GINS1: variants seen among roughly 807,000 people sequenced by gnomAD.
GINS1 encodes DNA replication complex GINS protein PSF1.
A neutral mutation model predicts 34.9 loss-of-function variants in GINS1; 26 were observed. The observed-to-expected ratio is 0.74, with a 90% CI of 0.55 to 1.03. The LOEUF is 1.03. Among genes scored for constraint, GINS1 ranks in the 50% least tolerant of loss-of-function variants. The pLI is 0.00. For synonymous variants in GINS1, 97 were observed against 84.4 expected, an observed-to-expected ratio of 1.15 and a Z score of -0.82; for missense variants, 235 against 237.9, an observed-to-expected ratio of 0.99 and a Z score of 0.08.
chr20:25,415,882 T>A (rs1421945666), intron 2 of GINS1, among the ~76,000 whole-genome samples: 1 of 152,124 alleles, frequency 6.6e-6, no homozygotes, highest in Admixed American at 6.6e-5. Flanking sequence ...AGGAGACATT[T>A]CAGCTGAGGC....
chr20:25,409,773 C>G (rs1485609335), intron 1 of GINS1, among the ~76,000 whole-genome samples: 1 of 152,166 alleles, frequency 6.6e-6, no homozygotes, highest in East Asian at 1.9e-4. Flanking sequence ...AGAGCAGTTA[C>G]CTCATTTAAA....
intron 4 of GINS1, among the ~76,000 whole-genome samples, chr20:25,422,959 G>A (rs2090365568): frequency 6.6e-6 from 1 of 151,752 alleles, no homozygotes; most frequent in Admixed American, 6.6e-5. Flanking sequence ...TGTATTTTTA[G>A]CAGAGATGGG....
intron 5 of GINS1, among the ~76,000 whole-genome samples, chr20:25,435,804 G>T (rs1408537747): frequency 8.9e-6 from 1 of 111,756 alleles, no homozygotes. Flanking sequence ...TTTTTGTAGA[G>T]TTACACTTTT....
At chr20:25,420,794 A>C (rs2090350558) in intron 4 of GINS1, 3 of 877,470 alleles carry the variant, frequency 3.4e-6, no homozygotes, top group Non-Finnish European at 4.1e-6. Context: ...AAAAAAAAAA[A>C]AAGAAAAAAA....
intron 4 of GINS1, among the ~76,000 whole-genome samples, chr20:25,421,476 TC>T (rs1414566523): frequency 6.6e-6 from 1 of 152,234 alleles, no homozygotes; most frequent in African/African-American, 2.4e-5. Context: ...AGTAGTAACA[TC>T]TTTTGTTTTC....
chr20:25,431,354 A>G (rs1235254075), intron 5 of GINS1, among the ~76,000 whole-genome samples: 1 of 151,990 alleles, frequency 6.6e-6, no homozygotes, highest in African/African-American at 2.4e-5. Context: ...AAATAACCAA[A>G]TTTTAGTTTT....
intron 5 of GINS1, among the ~76,000 whole-genome samples, chr20:25,441,364 T>C (rs1600945094): frequency 1.3e-5 from 2 of 152,208 alleles, no homozygotes; most frequent in East Asian, 3.8e-4. Flanking sequence ...AAGAAGCAGG[T>C]TGGAGCAGAT....
At chr20:25,410,063 C>T (rs2090273785) in intron 1 of GINS1, among the ~76,000 whole-genome samples, 1 of 152,102 alleles carries the variant, frequency 6.6e-6, no homozygotes, top group Non-Finnish European at 1.5e-5. Flanking sequence ...AGAATCAGGC[C>T]AGGAGTGGTG....
rs747353819 is a variant in GINS1, at chr20:25,418,172, C to T, written c.307C>T (p.Arg103Ter). 21 of 1,588,878 alleles carry T rather than the reference C, an allele frequency of 1.3e-5. No individual in the cohort carries two copies. Among genetic ancestry groups the T allele is most frequent in the Admixed American group, 1.7e-5 (1 of 59,960 alleles). The change falls in exon 4 of 7, where the codon CGA (arginine) becomes TGA (stop). Residue 103 changes from arginine to a stop codon, truncating the protein, a stop_gained. Coordinates refer to ENST00000262460, the MANE Select transcript of GINS1 (RefSeq NM_021067.5). LOFTEE classifies it high-confidence loss of function. ...EYGSVLPNAL[R>*]FHMAAEEMEW... The stretch of plus-strand genomic sequence containing the variant: ...TGGTAGCGTCTTGCCAAATGCATTA[C>T]GATTTCACATGGCTGCTGAAGAAGT...
chr20:25,434,767 A>G (rs1411198587), intron 5 of GINS1, among the ~76,000 whole-genome samples: 2 of 152,150 alleles, frequency 1.3e-5, no homozygotes, highest in South Asian at 4.1e-4. Flanking sequence ...TTAATTCTGG[A>G]GGCCTGGATG....
At position 25,446,917 on chromosome 20, in the gene GINS1, G is replaced by A. The variant is rs998196983; in HGVS notation, c.*926G>A. Reference sequence around the variant, plus strand: ...CTTTTATGCTTTGGGTGTTGCATCCGAGAAATCTTTTCCCATCCCAAGATC... The same window carrying A: ...CTTTTATGCTTTGGGTGTTGCATCCAAGAAATCTTTTCCCATCCCAAGATC... On this transcript the variant is annotated 3_prime_UTR_variant, in exon 7 of 7. Transcript: ENST00000262460. 1 of 151,766 alleles carries A rather than the reference G, an allele frequency of 6.6e-6. No individual in the cohort carries two copies. The allele number at this position is 151,766 out of a possible 1,614,324, so 9.4% of individuals were successfully genotyped here. A position where few individuals can be genotyped will look rare whatever the true frequency, so the allele number is the denominator to read the frequency against.
At position 25,425,344 on chromosome 20, in the gene GINS1, A is replaced by T. The variant is rs754990563; in HGVS notation, c.447+17A>T. 2.0e-6 allele frequency: 2 copies of T among 1,012,176 alleles called. No individual in the cohort carries two copies. The highest frequency in any genetic ancestry group is 3.2e-5 in the African/African-American group (2 of 62,620). 62.7% of individuals were successfully genotyped at this position (1,012,176 alleles called of 1,614,324 possible). ...TATATTGAAGTATGTATATCTTTTTAAAATGCATTTTTCTTTAATGTGTAA... is the reference window on the plus strand; with the variant it reads ...TATATTGAAGTATGTATATCTTTTTTAAATGCATTTTTCTTTAATGTGTAA... On this transcript the variant is annotated intron_variant, in intron 5 of 6. Transcript: ENST00000262460.
chr20:25,415,879 A>T (rs760384134), intron 2 of GINS1, among the ~76,000 whole-genome samples: 5 of 152,158 alleles, frequency 3.3e-5, no homozygotes, highest in African/African-American at 7.2e-5. Context: ...AAGAGGAGAC[A>T]TTTCAGCTGA....
At chr20:25,442,338 ATC>A in intron 6 of GINS1, among the ~76,000 whole-genome samples, 1 of 149,422 alleles carries the variant, frequency 6.7e-6, no homozygotes, top group Non-Finnish European at 1.5e-5. Flanking sequence ...CTATCTATCT[ATC>A]TGTCTGTCTG....
chr20:25,435,307 G>C (rs2090448095), intron 5 of GINS1, among the ~76,000 whole-genome samples: 1 of 152,016 alleles, frequency 6.6e-6, no homozygotes, highest in Non-Finnish European at 1.5e-5. Context: ...CTTTCTTTTT[G>C]AATTTTTTAG....
At chr20:25,422,907 T>C (rs2090365153) in intron 4 of GINS1, among the ~76,000 whole-genome samples, 1 of 149,120 alleles carries the variant, frequency 6.7e-6, no homozygotes, top group Non-Finnish European at 1.5e-5. Flanking sequence ...CTCCCAGCTA[T>C]CTGGGATTAC....
Position 25,447,262 on chromosome 20 carries a change from ACTCCTGAC to A in GINS1, c.*1275_*1282del, listed in dbSNP as rs2090517809. ...ACCATGTTGGCCAGGCTGGTTTCAA[ACTCCTGAC>A]CTCAAGTGACCCACCTTGGCCTCCC... On this transcript the variant is annotated 3_prime_UTR_variant, in exon 7 of 7. Transcript: ENST00000262460. 1 of 151,090 alleles carries A rather than the reference ACTCCTGAC, an allele frequency of 6.6e-6. No individual in the cohort carries two copies. The highest frequency in any genetic ancestry group is 6.6e-5 in the Admixed American group (1 of 15,194). The allele number at this position is 151,090 out of a possible 1,614,324, so 9.4% of individuals were successfully genotyped here. A position where few individuals can be genotyped will look rare whatever the true frequency, so the allele number is the denominator to read the frequency against.
In GINS1 at chr20:25,441,743, T is replaced by C; in HGVS notation, c.489T>C (p.Asp163=). The stretch of plus-strand genomic sequence containing the variant: ...ACTATGGAGAATTTGAAGTTGATGA[T>C]GGCACTTCAGTCCTATTAAAAAAAA... ...LKDYGEFEVD[D]GTSVLLKKNS... Residue 163 remains aspartate (D), a synonymous_variant, in exon 6 of 7, where the codon GAT becomes GAC. Coordinates refer to ENST00000262460, the MANE Select transcript of GINS1 (RefSeq NM_021067.5). The C allele has an allele frequency of 6.4e-7, 1 of 1,569,010 alleles. No homozygotes were observed. Among genetic ancestry groups the C allele is most frequent in the Non-Finnish European group, 8.7e-7 (1 of 1,146,104 alleles).
intron 6 of GINS1, among the ~76,000 whole-genome samples, chr20:25,442,425 C>T (rs1365573556): frequency 6.6e-6 from 1 of 151,768 alleles, no homozygotes; most frequent in African/African-American, 2.4e-5. Context: ...GCTATGTTGA[C>T]CATGCTAGTC....
Sources: gnomAD v4.1 joint callset for allele counts (sites outside exome capture counted in the v4.1 genomes callset) on GRCh38, gnomAD v4.1.1 for gene constraint, MANE v1.5 for transcripts, NCBI Gene and HGNC (gene_info 2026-07-23, HGNC 2026-07-21) for gene names.